ARMH3: variants seen among roughly 807,000 people sequenced by gnomAD.
The protein encoded by ARMH3 is armadillo-like helical domain-containing protein 3.
Under a neutral mutation model 99.1 loss-of-function variants are expected in ARMH3, and 60 were observed. That is an observed-to-expected ratio of 0.61 (90% CI 0.49 to 0.75). The LOEUF is 0.75. ARMH3 is among the 30% of genes least tolerant of loss of function. The pLI, the probability that ARMH3 is intolerant of heterozygous loss-of-function variation, is 0.00. For missense variants in ARMH3, 679 were observed against 843.1 expected (o/e 0.81, Z 2.41); for synonymous variants, 285 against 292.8 (o/e 0.97, Z 0.27).
chr10:102,050,744 C>T (rs2067682030), intron 1 of ARMH3, among the ~76,000 whole-genome samples: 1 of 151,626 alleles, frequency 6.6e-6, no homozygotes, highest in Non-Finnish European at 1.5e-5. Context: ...GTAGTCCCAG[C>T]CACTTGGGAT....
chr10:101,938,498 A>G (rs567601401), intron 23 of ARMH3, among the ~76,000 whole-genome samples: 3 of 152,230 alleles, frequency 2.0e-5, no homozygotes, highest in Non-Finnish European at 4.4e-5. Flanking sequence ...GATCAAGGAA[A>G]CAGGCCCCAG....
intron 22 of ARMH3, among the ~76,000 whole-genome samples, chr10:101,943,995 C>T (rs1362326471): frequency 6.8e-6 from 1 of 146,356 alleles, no homozygotes; most frequent in Non-Finnish European, 1.5e-5. Context: ...ACCTGGGAGG[C>T]GGAGCTTGCA....
At chr10:101,854,323 G>GT (rs949164300) in intron 24 of ARMH3, among the ~76,000 whole-genome samples, 1 of 152,056 alleles carries the variant, frequency 6.6e-6, no homozygotes, top group Non-Finnish European at 1.5e-5. Flanking sequence ...AAAGTTTTAA[G>GT]TAACATACAA....
At chr10:101,930,439 C>A (rs1843676450) in intron 23 of ARMH3, among the ~76,000 whole-genome samples, 2 of 151,544 alleles carry the variant, frequency 1.3e-5, no homozygotes, top group African/African-American at 4.8e-5. Flanking sequence ...ACTTTTGCAC[C>A]AACCTATAAA....
intron 20 of ARMH3, among the ~76,000 whole-genome samples, chr10:101,962,720 C>T (rs1001350373): frequency 5.3e-5 from 8 of 152,250 alleles, no homozygotes; most frequent in African/African-American, 1.4e-4. Context: ...AGCTAAACTG[C>T]ATTAAGGACA....
At chr10:102,034,738 T>C (rs1182466213) in intron 2 of ARMH3, among the ~76,000 whole-genome samples, 3 of 151,444 alleles carry the variant, frequency 2.0e-5, no homozygotes, top group Admixed American at 1.3e-4. Flanking sequence ...TAAGCTGACC[T>C]TTTAAAACTA....
At chr10:101,994,078 C>T (rs1014052145) in intron 16 of ARMH3, among the ~76,000 whole-genome samples, 5 of 152,132 alleles carry the variant, frequency 3.3e-5, no homozygotes, top group East Asian at 1.9e-4. Context: ...ACACAGGCAG[C>T]GTGGAAGCAG....
At chr10:101,916,491 A>C (rs1843091671) in intron 23 of ARMH3, among the ~76,000 whole-genome samples, 4 of 152,254 alleles carry the variant, frequency 2.6e-5, no homozygotes. Flanking sequence ...AAAGGTTGCC[A>C]CACATAAAGT....
At chr10:102,005,752 A>G (rs2066469948) in intron 14 of ARMH3, among the ~76,000 whole-genome samples, 1 of 152,208 alleles carries the variant, frequency 6.6e-6, no homozygotes, top group Non-Finnish European at 1.5e-5. Context: ...AATTTTTGGC[A>G]AAAATTCATA....
chr10:101,867,876 T>C (rs765675624), intron 24 of ARMH3, among the ~76,000 whole-genome samples: 36 of 150,830 alleles, frequency 2.4e-4, no homozygotes, highest in Non-Finnish European at 3.7e-4. Flanking sequence ...TGGTGTCTAA[T>C]GGCTATAATC....
At chr10:102,035,829 G>A (rs112337625) in intron 2 of ARMH3, among the ~76,000 whole-genome samples, 7,452 of 152,194 alleles carry the variant, frequency 0.049, 196 homozygotes, top group Middle Eastern at 0.096. Context: ...CCGCCACCCC[G>A]ACTGGGAAGT....
chr10:101,940,594 C>A (rs529392664), intron 22 of ARMH3, among the ~76,000 whole-genome samples: 1 of 152,192 alleles, frequency 6.6e-6, no homozygotes, highest in African/African-American at 2.4e-5. Flanking sequence ...AATGCTATCC[C>A]TCCCCCATCC....
intron 23 of ARMH3, among the ~76,000 whole-genome samples, chr10:101,896,667 C>T (rs138037305): frequency 1.3e-5 from 2 of 152,298 alleles, no homozygotes; most frequent in African/African-American, 4.8e-5. Context: ...TGGTGATTCC[C>T]AGGGTGATTC....
intron 5 of ARMH3, among the ~76,000 whole-genome samples, chr10:102,027,278 C>CAAAAAAAAAAA (rs1228063848): frequency 1.8e-5 from 1 of 56,498 alleles, no homozygotes. Flanking sequence ...GATTCCGTCT[C>CAAAAAAAAAAA]AAAAAAAAAA....
At chr10:101,902,986 GT>G (rs1430238765) in intron 23 of ARMH3, among the ~76,000 whole-genome samples, 1 of 152,170 alleles carries the variant, frequency 6.6e-6, no homozygotes. Context: ...CAGGAGGCTG[GT>G]ATAATTGTTT....
At chr10:101,921,424 T>A (rs1360015783) in intron 23 of ARMH3, among the ~76,000 whole-genome samples, 5 of 152,182 alleles carry the variant, frequency 3.3e-5, no homozygotes, top group Non-Finnish European at 5.9e-5. Flanking sequence ...CTGATCTGGA[T>A]GGTGATTTAC....
At chr10:101,872,484 G>A (rs2067154390) in intron 24 of ARMH3, among the ~76,000 whole-genome samples, 1 of 152,036 alleles carries the variant, frequency 6.6e-6, no homozygotes, top group African/African-American at 2.4e-5. Flanking sequence ...ATCACTTGAG[G>A]TGAGGAGTTC....
In ARMH3 at chr10:102,016,171, C is replaced by A. The variant is rs144720088; in HGVS notation, c.670-2147G>T. On this transcript the variant is annotated intron_variant, in intron 8 of 25. Transcript: ENST00000370033. Reference sequence around the variant, plus strand: ...CAAACAAACATTTGGGATAGAAGTACTTAGGATTTTGGATTTTTTTTTAAC... The same window carrying A: ...CAAACAAACATTTGGGATAGAAGTAATTAGGATTTTGGATTTTTTTTTAAC... 1.8e-4 allele frequency among the ~76,000 whole-genome samples: 27 copies of A among 152,232 alleles called. 1 individual carries two copies. The East Asian group carries it at 5.2e-3, about 29-fold the overall frequency.
In ARMH3 at chr10:101,980,487, T is replaced by C. The variant is rs191385155; in HGVS notation, c.1407-5187A>G. Among the ~76,000 whole-genome samples, 1,096 of 152,136 alleles carry C rather than the reference T, an allele frequency of 7.2e-3. 13 individuals carry two copies. The highest frequency in any genetic ancestry group is 0.027 in the Middle Eastern group (8 of 294). On this transcript the variant is annotated intron_variant, in intron 19 of 25. Coordinates refer to ENST00000370033, the MANE Select transcript of ARMH3 (RefSeq NM_024541.3). Reference sequence around the variant, plus strand: ...CTGATTTTTATATTTTTAGTAGAGATGGGGTTTTACCATGTTGGCCAGGCT... The same window carrying C: ...CTGATTTTTATATTTTTAGTAGAGACGGGGTTTTACCATGTTGGCCAGGCT...
Sources: allele counts gnomAD v4.1 joint callset (sites outside exome capture counted in the v4.1 genomes callset), GRCh38; gene constraint gnomAD v4.1.1; transcripts MANE v1.5; gene names NCBI Gene and HGNC (gene_info 2026-07-23, HGNC 2026-07-21).